PRSS12: variants seen among roughly 807,000 people sequenced by gnomAD.
PRSS12 encodes neurotrypsin.
PRSS12 carries 85 observed loss-of-function variants against 104.4 expected under a neutral mutation model. The ratio of observed to expected loss-of-function variants is 0.81; its 90% CI spans 0.68 to 0.98. The LOEUF (loss-of-function observed/expected upper bound fraction) is 0.98, where lower values mean the gene tolerates loss of function less well. Among genes scored for constraint, PRSS12 ranks in the 50% least tolerant of loss-of-function variants. The probability of loss-of-function intolerance (pLI) is 0.00; values close to 1 mark genes in which losing one functional copy is unlikely to be tolerated. For missense variants in PRSS12, 1,141 were observed against 1,139.2 expected (o/e 1.00, Z -0.02); for synonymous variants, 454 against 425.2 (o/e 1.07, Z -0.83).
At position 118,335,493 on chromosome 4, in the gene PRSS12, ACAG is replaced by A. The variant is rs771157191; in HGVS notation, c.797_799del (p.Ala266del). 1 of 1,614,046 alleles carries A rather than the reference ACAG, an allele frequency of 6.2e-7. No homozygotes were observed. The highest frequency in any genetic ancestry group is 8.5e-7 in the Non-Finnish European group (1 of 1,179,948). The stretch of plus-strand genomic sequence containing the variant: ...TTTACCATGGGAAAAGCTACACGTG[ACAG>A]CAGCTGCCATCTTCTGAGGACACAC... On this transcript the variant is annotated inframe_deletion, in exon 3 of 13. Transcript: ENST00000296498.
rs1742874832 is a variant in PRSS12, at chr4:118,281,998, G to A, written c.2566C>T (p.Pro856Ser). 6.3e-7 allele frequency: 1 copy of A among 1,582,688 alleles called. No homozygotes were observed. Among genetic ancestry groups the A allele is most frequent in the Non-Finnish European group, 8.7e-7 (1 of 1,151,406 alleles). Residue 856 changes from proline (P) to serine (S), a missense_variant, in exon 13 of 13, where the codon CCT (proline) becomes TCT (serine). Physicochemically the swap from Pro to Ser is moderately conservative, Grantham distance 74. Coordinates refer to ENST00000296498, the MANE Select transcript of PRSS12 (RefSeq NM_003619.4). ...WGYGCGVKDS[P>S]GVYTKVSAFV... ...GCTGAGACTTTGGTATAAACACCAG[G>A]AGAATCCTTGACTCCACAGCCATAC...
At chr4:118,293,015 A>C (rs1374886027) in intron 11 of PRSS12, among the ~76,000 whole-genome samples, 2 of 151,530 alleles carry the variant, frequency 1.3e-5, no homozygotes, top group African/African-American at 2.4e-5. Context: ...ACTCCATCTC[A>C]AAAAATAATA....
chr4:118,281,765 C>T lies in PRSS12; in HGVS notation c.*171G>A, dbSNP rs951855936. 7.7e-6 allele frequency: 5 copies of T among 647,918 alleles called. No homozygotes were observed. The highest frequency in any genetic ancestry group is 5.4e-5 in the African/African-American group (3 of 55,424). 40.1% of individuals were successfully genotyped at this position (647,918 alleles called of 1,614,324 possible). A position where few individuals can be genotyped will look rare whatever the true frequency, so the allele number is the denominator to read the frequency against. On this transcript the variant is annotated 3_prime_UTR_variant, in exon 13 of 13. Transcript: ENST00000296498. Reference sequence around the variant, plus strand: ...ATTATCACTTCCACTACACTGAGGCCTCTGAAAATGTTCACAAATTTCTCA... The same window carrying T: ...ATTATCACTTCCACTACACTGAGGCTTCTGAAAATGTTCACAAATTTCTCA...
chr4:118,282,375 C>T, intron 12 of PRSS12, 132 bp from the exon 13 acceptor site: 1 of 1,173,990 alleles, frequency 8.5e-7, no homozygotes, highest in Non-Finnish European at 1.3e-6. Context: ...TGAGCAATGA[C>T]TAACTGGTAT....
Position 118,282,236 on chromosome 4 carries a change from G to A in PRSS12, c.2328C>T (p.Ala776=). ...CTGCTTGTTGTAGTGTTCTTGAATA[G>A]GCTCGTCCTACTCAGACCAAACATC... is the stretch of plus-strand genomic sequence containing the variant. The part of the protein sequence containing the change: ...YITGWGDTGR[A]YSRTLQQAAI... The change falls in exon 13 of 13, where the codon GCC becomes GCT. Residue 776 remains alanine, a synonymous_variant. Coordinates refer to ENST00000296498, the MANE Select transcript of PRSS12 (RefSeq NM_003619.4). 6.2e-7 allele frequency: 1 copy of A among 1,614,130 alleles called. No individual in the cohort carries two copies. Among genetic ancestry groups the A allele is most frequent in the Non-Finnish European group, 8.5e-7 (1 of 1,180,040 alleles).
intron 10 of PRSS12, 56 bp downstream of exon 10, chr4:118,295,722 T>C (rs1743237253): frequency 6.8e-7 from 1 of 1,479,480 alleles, no homozygotes; most frequent in African/African-American, 1.4e-5. Flanking sequence ...TTTGTAACAC[T>C]CTATGTATAT....
Position 118,312,905 on chromosome 4 carries a change from A to G in PRSS12, c.1489+296T>C, listed in dbSNP as rs1385587805. 3 of 405,396 alleles carry G rather than the reference A, an allele frequency of 7.4e-6. No individual in the cohort carries two copies. In the Admixed American group the frequency reaches 1.2e-4, roughly 16 times the overall value. The allele number at this position is 405,396 out of a possible 1,614,324, so 25.1% of individuals were successfully genotyped here. The stretch of plus-strand genomic sequence containing the variant: ...TAAGTGACCGAGGAGTAAGGGGAAT[A>G]GATACTGCAGCTTCTTTATTCCATT... On this transcript the variant is annotated intron_variant, in intron 7 of 12. Transcript: ENST00000296498.
At chr4:118,314,579 T>C (rs1445351301) in intron 6 of PRSS12, among the ~76,000 whole-genome samples, 1 of 152,132 alleles carries the variant, frequency 6.6e-6, no homozygotes, top group Non-Finnish European at 1.5e-5. Flanking sequence ...ATTGCATTTG[T>C]ACAAAAAAAC....
At chr4:118,308,617 G>T in intron 7 of PRSS12, 40 bp from the exon 8 acceptor site, 1 of 1,516,708 alleles carries the variant, frequency 6.6e-7, no homozygotes, top group South Asian at 1.1e-5. Context: ...GCCCAAACAT[G>T]CAAACTGATT....
chr4:118,322,726 G>A (rs1455322545), intron 4 of PRSS12, among the ~76,000 whole-genome samples: 1 of 151,892 alleles, frequency 6.6e-6, no homozygotes, highest in Non-Finnish European at 1.5e-5. Context: ...GTTGAAAGAA[G>A]AAAACTGCTT....
intron 11 of PRSS12, among the ~76,000 whole-genome samples, chr4:118,285,383 A>G (rs144467082): frequency 4.5e-4 from 68 of 152,358 alleles, no homozygotes; most frequent in African/African-American, 1.6e-3. Context: ...TATCGCTAGT[A>G]TATTCATTAA....
chr4:118,334,708 C>CA, intron 3 of PRSS12, among the ~76,000 whole-genome samples: 1 of 152,250 alleles, frequency 6.6e-6, no homozygotes, highest in East Asian at 1.9e-4. Context: ...TACTTGTACT[C>CA]AAACAAAAAC....
At chr4:118,344,155 A>C (rs1352980826) in intron 1 of PRSS12, among the ~76,000 whole-genome samples, 2 of 152,324 alleles carry the variant, frequency 1.3e-5, no homozygotes, top group Non-Finnish European at 2.9e-5. Flanking sequence ...TGACCTATTC[A>C]AAAGAATAGA....
chr4:118,342,518 A>G (rs530869202), intron 1 of PRSS12, among the ~76,000 whole-genome samples: 7 of 152,242 alleles, frequency 4.6e-5, no homozygotes, highest in Non-Finnish European at 8.8e-5. Flanking sequence ...ACATATTTCT[A>G]TCTTTAAAAT....
chr4:118,293,928 T>G (rs1743184907), intron 11 of PRSS12, among the ~76,000 whole-genome samples: 1 of 152,208 alleles, frequency 6.6e-6, no homozygotes, highest in South Asian at 2.1e-4. Context: ...CATTGTTTTC[T>G]ATCAATGAAA....
At chr4:118,299,775 A>AT (rs1320694130) in intron 8 of PRSS12, among the ~76,000 whole-genome samples, 2 of 61,702 alleles carry the variant, frequency 3.2e-5, no homozygotes, top group Non-Finnish European at 3.8e-5. Context: ...TAAATAAAAT[A>AT]AAATAAAATA....
At chr4:118,339,800 T>A (rs554426355) in intron 1 of PRSS12, among the ~76,000 whole-genome samples, 1 of 152,180 alleles carries the variant, frequency 6.6e-6, no homozygotes. Context: ...TATCACAAAA[T>A]CTCTTCTACA....
At chr4:118,316,837 A>AAAAATATATATATATATATAT (rs35698159) in intron 5 of PRSS12, among the ~76,000 whole-genome samples, 15 of 99,178 alleles carry the variant, frequency 1.5e-4, no homozygotes, top group South Asian at 3.8e-4. Context: ...AAAAAAAAAA[A>AAAAATATATATATATATATAT]ATATATATAT....
At chr4:118,319,666 C>A (rs59765581) in intron 4 of PRSS12, among the ~76,000 whole-genome samples, 2 of 152,014 alleles carry the variant, frequency 1.3e-5, no homozygotes, top group East Asian at 1.9e-4. Context: ...ACAGCCAAAT[C>A]TACTTCTTTT....
Sources: allele counts gnomAD v4.1 joint callset (sites outside exome capture counted in the v4.1 genomes callset), GRCh38; gene constraint gnomAD v4.1.1; transcripts MANE v1.5; gene names NCBI Gene and HGNC (gene_info 2026-07-23, HGNC 2026-07-21).